The following TRIO variants were observed in gnomAD, a reference collection of about 807,000 sequenced individuals.
TRIO encodes the protein triple functional domain protein.
Under a neutral mutation model 351.9 loss-of-function variants are expected in TRIO, and 58 were observed. That is an observed-to-expected ratio of 0.16 (90% confidence interval 0.13 to 0.21). TRIO has a LOEUF of 0.21. TRIO is among the 10% of genes least tolerant of loss of function. The pLI, the probability that TRIO is intolerant of heterozygous loss-of-function variation, is 1.00. For missense variants in TRIO, 3,201 were observed against 4,027.8 expected, an observed-to-expected ratio of 0.79 and a Z score of 5.56; for synonymous variants, 1,758 against 1,595.7, an observed-to-expected ratio of 1.10 and a Z score of -2.42.
chr5:14,428,655 C>T (rs1394990901), intron 34 of TRIO, among the ~76,000 whole-genome samples: 1 of 152,130 alleles, frequency 6.6e-6, no homozygotes, highest in Non-Finnish European at 1.5e-5. Context: ...GAGGTATTTT[C>T]GTGTTCCAAC....
intron 11 of TRIO, among the ~76,000 whole-genome samples, chr5:14,342,684 T>G (rs545953775): frequency 2.0e-5 from 3 of 152,364 alleles, no homozygotes; most frequent in African/African-American, 7.2e-5. Context: ...AGCCTTGCCT[T>G]TTGGCCTTCC....
intron 36 of TRIO, among the ~76,000 whole-genome samples, chr5:14,463,522 C>T (rs943913175): frequency 2.0e-5 from 3 of 152,142 alleles, no homozygotes; most frequent in Non-Finnish European, 2.9e-5. Context: ...TGAGTTCTTA[C>T]GTAGTCTAAA....
chr5:14,189,449 C>T (rs779959828), intron 1 of TRIO, among the ~76,000 whole-genome samples: 6 of 152,102 alleles, frequency 3.9e-5, no homozygotes, highest in Non-Finnish European at 8.8e-5. Context: ...TTGAGGAGGG[C>T]GGAAAGAAGG....
chr5:14,387,752 T>C lies in TRIO; in HGVS notation c.3786T>C (p.Asp1262=). ...SNKSSKSLQL[D]IIPASIPGSE... is the part of the protein sequence containing the mutation. ...CACAGAGTAAAAGTCTCCAGCTAGA[T>C]ATCATTCCAGCCAGTATCCCTGGCT... The change falls in exon 23 of 57, where the codon GAT becomes GAC. Residue 1262 remains aspartate, a synonymous_variant. Coordinates refer to ENST00000344204, the MANE Select transcript of TRIO (RefSeq NM_007118.4). 1 of 1,614,246 alleles carries C rather than the reference T, an allele frequency of 6.2e-7. No homozygotes were observed. The highest frequency in any genetic ancestry group is 8.5e-7 in the Non-Finnish European group (1 of 1,180,040).
chr5:14,480,930 T>C (rs142769792), intron 43 of TRIO, among the ~76,000 whole-genome samples: 109 of 151,816 alleles, frequency 7.2e-4, no homozygotes, highest in African/African-American at 2.5e-3. Context: ...GAATAGCCAC[T>C]ACACTCCAGC....
At chr5:14,240,120 A>C (rs1254608918) in intron 1 of TRIO, among the ~76,000 whole-genome samples, 1 of 152,216 alleles carries the variant, frequency 6.6e-6, no homozygotes, top group African/African-American at 2.4e-5. Flanking sequence ...GTGACTAATA[A>C]GTTTTCAAAT....
At position 14,374,216 on chromosome 5, in the gene TRIO, C is replaced by T. The variant is rs1745365518; in HGVS notation, c.3217-13C>T. ...GTCAAATTAGCAACACATTGCTCTC[C>T]ATTGTTTTTTAGGCTTGCACCCTTG... On this transcript the variant is annotated splice_polypyrimidine_tract_variant and intron_variant, in intron 18 of 56. Coordinates refer to ENST00000344204, the MANE Select transcript of TRIO (RefSeq NM_007118.4). 2 of 1,609,828 alleles carry T rather than the reference C, an allele frequency of 1.2e-6. No individual in the cohort carries two copies. The highest frequency in any genetic ancestry group is 8.5e-7 in the Non-Finnish European group (1 of 1,176,854).
intron 33 of TRIO, among the ~76,000 whole-genome samples, chr5:14,411,991 C>CT (rs112955087): frequency 0.034 from 4,637 of 138,044 alleles, 218 homozygotes; most frequent in African/African-American, 0.11. Flanking sequence ...TTCTTTCTTT[C>CT]TTTTTTTTTT....
chr5:14,471,721 CAT>C (rs1008608928), intron 38 of TRIO, among the ~76,000 whole-genome samples: 2 of 152,144 alleles, frequency 1.3e-5, no homozygotes, highest in African/African-American at 4.8e-5. Flanking sequence ...TCTTCTGCCA[CAT>C]GTGGTGAGAA....
chr5:14,368,987 T>C, intron 17 of TRIO, 88 bp downstream of exon 17: 1 of 1,450,384 alleles, frequency 6.9e-7, no homozygotes, highest in Non-Finnish European at 9.4e-7. Flanking sequence ...GTTAACATGT[T>C]CATCGTTATT....
Position 14,402,316 on chromosome 5 carries a change from C to T in TRIO, c.4716+1252C>T, listed in dbSNP as rs986210918. Among the ~76,000 whole-genome samples, 11 of 152,290 alleles carry T rather than the reference C, an allele frequency of 7.2e-5. 1 individual carries two copies. The South Asian group carries it at 1.2e-3, about 17-fold the overall frequency. ...AGATCTGGACTTTCATTTAGGATGTCGTAAATGCTCATGGTACAGTTGACA... is the reference window on the plus strand; with the variant it reads ...AGATCTGGACTTTCATTTAGGATGTTGTAAATGCTCATGGTACAGTTGACA... On this transcript the variant is annotated intron_variant, in intron 31 of 56. Transcript: ENST00000344204.
chr5:14,152,972 A>T (rs946484117), intron 1 of TRIO, among the ~76,000 whole-genome samples: 1 of 152,328 alleles, frequency 6.6e-6, no homozygotes, highest in Non-Finnish European at 1.5e-5. Context: ...TGCAGGATTC[A>T]TTGTTAGGCC....
chr5:14,202,293 G>GTTTTTTTTTTTTTTTTTTTTTTTTT (rs1561196197), intron 1 of TRIO, among the ~76,000 whole-genome samples: 3 of 34,350 alleles, frequency 8.7e-5, no homozygotes, highest in Admixed American at 3.5e-4. Flanking sequence ...ATATTTTTGT[G>GTTTTTTTTTTTTTTTTTTTTTTTTT]ATTTTTTTTT....
intron 1 of TRIO, among the ~76,000 whole-genome samples, chr5:14,244,299 T>G (rs1794311636): frequency 6.6e-6 from 1 of 152,206 alleles, no homozygotes; most frequent in South Asian, 2.1e-4. Flanking sequence ...TTTATGATAT[T>G]TAATATAGAA....
chr5:14,447,385 T>G (rs1279861584), intron 34 of TRIO, among the ~76,000 whole-genome samples: 1 of 152,230 alleles, frequency 6.6e-6, no homozygotes, highest in Non-Finnish European at 1.5e-5. Flanking sequence ...TAGTAAATTT[T>G]CTTGAATGTA....
chr5:14,494,670 G>A (rs1415288458), intron 49 of TRIO, among the ~76,000 whole-genome samples: 3 of 152,218 alleles, frequency 2.0e-5, no homozygotes, highest in South Asian at 2.1e-4. Context: ...AAGCCAAGGC[G>A]GGTGGATCAC....
chr5:14,386,987 C>A (rs935644958), intron 21 of TRIO, among the ~76,000 whole-genome samples: 1 of 152,200 alleles, frequency 6.6e-6, no homozygotes, highest in Non-Finnish European at 1.5e-5. Flanking sequence ...TCAGGAAAAC[C>A]AAAAAGTCAG....
chr5:14,262,085 A>C (rs899419986), intron 1 of TRIO, among the ~76,000 whole-genome samples: 1 of 152,164 alleles, frequency 6.6e-6, no homozygotes, highest in African/African-American at 2.4e-5. Context: ...GCTGGGTGTT[A>C]AGTTCATGCT....
chr5:14,397,023 T>G lies in TRIO; in HGVS notation c.4312-20T>G. 2 of 1,584,556 alleles carry G rather than the reference T, an allele frequency of 1.3e-6. No homozygotes were observed. Among genetic ancestry groups the G allele is most frequent in the Non-Finnish European group, 1.7e-6 (2 of 1,165,596 alleles). ...AGCATTCTGCAGTCTTTACCTAGTT[T>G]CTGTTGTTTATCTTTGCAGGAGCTG... On this transcript the variant is annotated intron_variant, in intron 28 of 56. Coordinates refer to ENST00000344204, the MANE Select transcript of TRIO (RefSeq NM_007118.4).
Sources: gnomAD v4.1 joint callset for allele counts (sites outside exome capture counted in the v4.1 genomes callset) on GRCh38, gnomAD v4.1.1 for gene constraint, MANE v1.5 for transcripts, NCBI Gene and HGNC (gene_info 2026-07-23, HGNC 2026-07-21) for gene names.